Variants in SNAP91 observed in about 807,000 individuals in gnomAD.
SNAP91 encodes the protein clathrin coat assembly protein AP180.
SNAP91 carries 27 observed loss-of-function variants against 100.3 expected under a neutral mutation model. That is an observed-to-expected ratio of 0.27 (90% confidence interval 0.20 to 0.37). The LOEUF (loss-of-function observed/expected upper bound fraction) is 0.37. SNAP91 is among the 10% of genes least tolerant of loss of function. The pLI is 1.00. For missense variants in SNAP91, 986 were observed against 1,123.7 expected (o/e 0.88, Z 1.75); for synonymous variants, 404 against 398.6 (o/e 1.01, Z -0.16).
At chr6:83,610,746 T>TATATATATATAA (rs1215743789) in intron 11 of SNAP91, 69 bp from the exon 12 acceptor site, 2 of 86,266 alleles carry the variant, frequency 2.3e-5, no homozygotes, top group African/African-American at 2.0e-4. Flanking sequence ...TATATATATA[T>TATATATATATAA]AAATATATAT....
chr6:83,680,659 A>C (rs1331445390), intron 2 of SNAP91, among the ~76,000 whole-genome samples: 1 of 152,174 alleles, frequency 6.6e-6, no homozygotes, highest in East Asian at 1.9e-4. Flanking sequence ...CTCAGTCTAG[A>C]ACAAGTTTCT....
intron 9 of SNAP91, among the ~76,000 whole-genome samples, chr6:83,622,805 A>G (rs2096782941): frequency 6.6e-6 from 1 of 152,012 alleles, no homozygotes; most frequent in Non-Finnish European, 1.5e-5. Flanking sequence ...CTATTTTATT[A>G]GCTTATTTTA....
At chr6:83,559,416 C>T (rs1783726980) in intron 28 of SNAP91, among the ~76,000 whole-genome samples, 1 of 152,200 alleles carries the variant, frequency 6.6e-6, no homozygotes, top group Admixed American at 6.5e-5. Flanking sequence ...GACAAAGAAG[C>T]TTCATGTTTA....
chr6:83,615,254 C>T (rs1472221383), intron 10 of SNAP91, among the ~76,000 whole-genome samples: 1 of 152,106 alleles, frequency 6.6e-6, no homozygotes, highest in Non-Finnish European at 1.5e-5. Context: ...TAACAAAAAA[C>T]AAGGGAAGGG....
intron 8 of SNAP91, among the ~76,000 whole-genome samples, chr6:83,636,038 C>T (rs771429785): frequency 1.3e-5 from 2 of 152,118 alleles, no homozygotes; most frequent in African/African-American, 2.4e-5. Context: ...AGAAGTCTGT[C>T]GTTAGCCTGA....
chr6:83,566,060 TGAATG>T (rs747329661), intron 26 of SNAP91, among the ~76,000 whole-genome samples: 189 of 152,246 alleles, frequency 1.2e-3, no homozygotes, highest in Non-Finnish European at 2.1e-3. Flanking sequence ...CATCAACTGA[TGAATG>T]GATAAACAAA....
intron 22 of SNAP91, among the ~76,000 whole-genome samples, chr6:83,587,899 T>C (rs1475627371): frequency 6.6e-6 from 1 of 152,204 alleles, no homozygotes; most frequent in Non-Finnish European, 1.5e-5. Context: ...TGAGAAATAT[T>C]TTTCTATAAG....
chr6:83,592,496 G>T lies in SNAP91; in HGVS notation c.1889C>A (p.Pro630Gln), dbSNP rs773671092. The T allele has an allele frequency of 6.2e-7, 1 of 1,611,952 alleles. No homozygotes were observed. Among genetic ancestry groups the T allele is most frequent in the Non-Finnish European group, 8.5e-7 (1 of 1,179,042 alleles). The change falls in exon 21 of 30, where the codon CCA becomes CAA. Residue 630 changes from proline (P) to glutamine (Q), a missense_variant. Coordinates refer to ENST00000369694, the MANE Select transcript of SNAP91 (RefSeq NM_001242792.2). Reference sequence around the variant, plus strand: ...GACACCTGAAGAATCCACCTTTGCTGGCGAGGCAGTGGTTGCAGGAGATGG... The same window carrying T: ...GACACCTGAAGAATCCACCTTTGCTTGCGAGGCAGTGGTTGCAGGAGATGG... Reference protein sequence around the residue: ...AAPSPATTASPAKVDSSGVID... With the variant: ...AAPSPATTASQAKVDSSGVID...
At chr6:83,679,821 A>C (rs1379534084) in intron 2 of SNAP91, among the ~76,000 whole-genome samples, 2 of 152,212 alleles carry the variant, frequency 1.3e-5, no homozygotes, top group Non-Finnish European at 2.9e-5. Context: ...TTAAATATTA[A>C]TCAGAATATA....
At chr6:83,560,760 G>A (rs1583868962) in intron 27 of SNAP91, 104 bp downstream of exon 27, 3 of 981,230 alleles carry the variant, frequency 3.1e-6, no homozygotes, top group Non-Finnish European at 4.8e-6. Flanking sequence ...TTTACTTACT[G>A]TGTTTTGGGA....
intron 26 of SNAP91, 45 bp from the exon 27 acceptor site, chr6:83,560,992 C>A: frequency 2.4e-6 from 3 of 1,260,508 alleles, no homozygotes; most frequent in South Asian, 1.3e-5. Flanking sequence ...CACAAAAACA[C>A]ACAAACACAT....
Position 83,659,874 on chromosome 6 carries a change from G to T in SNAP91, c.453-782C>A, listed in dbSNP as rs559708761. 5.9e-5 allele frequency among the ~76,000 whole-genome samples: 9 copies of T among 152,220 alleles called. No homozygotes were observed. In the South Asian group the frequency reaches 1.9e-3, roughly 32 times the overall value. The stretch of plus-strand genomic sequence containing the variant: ...CATCAAGGGAAGAAAAATGCATGCT[G>T]ATAAGAACACTTTTCCCAAACAAAG... On this transcript the variant is annotated intron_variant, in intron 5 of 29. Transcript: ENST00000369694.
At chr6:83,705,798 C>T (rs1267501056) in intron 2 of SNAP91, among the ~76,000 whole-genome samples, 1 of 151,632 alleles carries the variant, frequency 6.6e-6, no homozygotes, top group Non-Finnish European at 1.5e-5. Context: ...GAGTGAGACT[C>T]CATCTCACAA....
rs560522064 is a variant in SNAP91, at chr6:83,590,434, A to G, written c.2014+777T>C. Among the ~76,000 whole-genome samples the G allele has an allele frequency of 2.0e-5, 3 of 152,164 alleles. No individual in the cohort carries two copies. In the South Asian group the frequency reaches 6.2e-4, roughly 32 times the overall value. ...AACTGTTTCCTTTTATTCTATATAT[A>G]CTACTTGGGCCACAAGCAGTAATCC... On this transcript the variant is annotated intron_variant, in intron 22 of 29. Coordinates refer to ENST00000369694, the MANE Select transcript of SNAP91 (RefSeq NM_001242792.2).
chr6:83,561,885 T>A (rs1788420459), intron 26 of SNAP91, among the ~76,000 whole-genome samples: 1 of 152,058 alleles, frequency 6.6e-6, no homozygotes, highest in South Asian at 2.1e-4. Context: ...CTGGGCCTAA[T>A]TTTTGGTGGT....
intron 21 of SNAP91, 24 bp downstream of exon 21, chr6:83,592,431 T>A: frequency 1.3e-6 from 2 of 1,514,816 alleles, no homozygotes; most frequent in Non-Finnish European, 1.8e-6. Context: ...ATTCCTTAAG[T>A]GTTGATGGAG....
intron 7 of SNAP91, among the ~76,000 whole-genome samples, chr6:83,647,607 T>C (rs1275194595): frequency 1.3e-5 from 2 of 152,200 alleles, no homozygotes; most frequent in African/African-American, 4.8e-5. Context: ...CGAGGATTTT[T>C]CAACTATGTT....
intron 2 of SNAP91, among the ~76,000 whole-genome samples, chr6:83,699,178 A>G (rs2099260711): frequency 6.6e-6 from 1 of 152,180 alleles, no homozygotes; most frequent in Non-Finnish European, 1.5e-5. Flanking sequence ...CTCAGAGTCT[A>G]AAATTACAAA....
chr6:83,599,737 A>G (rs1047564593), intron 16 of SNAP91, among the ~76,000 whole-genome samples: 2 of 152,140 alleles, frequency 1.3e-5, no homozygotes, highest in African/African-American at 2.4e-5. Flanking sequence ...GTTTCAAAGG[A>G]TATAGGGGCA....
Sources: gnomAD v4.1 joint callset for allele counts (sites outside exome capture counted in the v4.1 genomes callset) on GRCh38, gnomAD v4.1.1 for gene constraint, MANE v1.5 for transcripts, NCBI Gene and HGNC (gene_info 2026-07-23, HGNC 2026-07-21) for gene names.